The following FERMT2 variants were observed in gnomAD, a reference collection of about 807,000 sequenced individuals.
FERMT2 encodes FERM domain containing kindlin 2, also known as fermitin family homolog 2.
FERMT2 carries 15 observed loss-of-function variants against 82.7 expected under a neutral mutation model. The ratio of observed to expected loss-of-function variants is 0.18; its 90% CI spans 0.12 to 0.28. FERMT2 has a LOEUF of 0.28. Ranked by LOEUF, FERMT2 falls within the 10% of genes least tolerant of loss-of-function variation. FERMT2 has a pLI of 1.00. For synonymous variants in FERMT2, 274 were observed against 271.5 expected (o/e 1.01, Z -0.09); for missense variants, 645 against 809.4 (o/e 0.80, Z 2.46).
At chr14:52,913,422 A>C (rs2139620061) in intron 3 of FERMT2, among the ~76,000 whole-genome samples, 1 of 152,282 alleles carries the variant, frequency 6.6e-6, no homozygotes, top group South Asian at 2.1e-4. Flanking sequence ...CACTTCTGCC[A>C]CTAGAATGAG....
intron 10 of FERMT2, among the ~76,000 whole-genome samples, chr14:52,867,067 A>T (rs1885328069): frequency 6.7e-6 from 1 of 149,704 alleles, no homozygotes; most frequent in Non-Finnish European, 1.5e-5. Flanking sequence ...CTTCCTTGTC[A>T]TAGATAAAGT....
At chr14:52,863,329 T>C (rs1885069489) in intron 12 of FERMT2, 1 of 152,218 alleles carries the variant, frequency 6.6e-6, no homozygotes, top group African/African-American at 2.4e-5. Flanking sequence ...TAGTAAGTGT[T>C]CTGGGCATTT....
At chr14:52,900,353 A>C (rs934945949) in intron 3 of FERMT2, among the ~76,000 whole-genome samples, 4 of 109,892 alleles carry the variant, frequency 3.6e-5, no homozygotes, top group Non-Finnish European at 7.5e-5. Context: ...TAATCTACAC[A>C]GGCTATATAA....
chr14:52,929,940 G>A (rs1241927353), intron 2 of FERMT2, among the ~76,000 whole-genome samples: 1 of 151,988 alleles, frequency 6.6e-6, no homozygotes, highest in African/African-American at 2.4e-5. Flanking sequence ...GTGCTGGGCA[G>A]GCAAGAAATA....
chr14:52,943,835 G>A (rs933276142), intron 2 of FERMT2, among the ~76,000 whole-genome samples: 1 of 152,156 alleles, frequency 6.6e-6, no homozygotes, highest in African/African-American at 2.4e-5. Flanking sequence ...AAGAGCCAAA[G>A]ATAACAGGTA....
intron 2 of FERMT2, among the ~76,000 whole-genome samples, chr14:52,945,272 G>A (rs1890285878): frequency 6.6e-6 from 1 of 151,656 alleles, no homozygotes; most frequent in Non-Finnish European, 1.5e-5. Flanking sequence ...GGGGCGGGGG[G>A]ACGGAATCTC....
At position 52,918,321 on chromosome 14, in the gene FERMT2, G is replaced by GA. The variant is rs1888741195; in HGVS notation, c.391+801dup. ...ATATGTATGGACAAATAAATGCATA[G>GA]AAAATCACCAAACTGTCAAGAATGA... On this transcript the variant is annotated intron_variant, in intron 3 of 14. Coordinates refer to ENST00000341590, the MANE Select transcript of FERMT2 (RefSeq NM_006832.3). Among the ~76,000 whole-genome samples, 6 of 152,200 alleles carry GA rather than the reference G, an allele frequency of 3.9e-5. 1 individual carries two copies. In the South Asian group the frequency reaches 1.2e-3, roughly 32 times the overall value.
chr14:52,908,034 C>T (rs922464024), intron 3 of FERMT2, among the ~76,000 whole-genome samples: 5 of 152,074 alleles, frequency 3.3e-5, no homozygotes, highest in Admixed American at 6.6e-5. Flanking sequence ...GACGGACAGG[C>T]GAAGGACTCA....
At chr14:52,884,131 A>G (rs192043876) in intron 4 of FERMT2, among the ~76,000 whole-genome samples, 2 of 152,338 alleles carry the variant, frequency 1.3e-5, no homozygotes, top group Admixed American at 1.3e-4. Flanking sequence ...TATCTTCTTC[A>G]ATTCATACTT....
intron 3 of FERMT2, among the ~76,000 whole-genome samples, chr14:52,915,079 G>C (rs1888544691): frequency 6.6e-6 from 1 of 152,042 alleles, no homozygotes; most frequent in Non-Finnish European, 1.5e-5. Context: ...TATCCAATTA[G>C]AAAAAGTATA....
chr14:52,924,893 CATTTATAATT>C (rs1192816618), intron 2 of FERMT2, among the ~76,000 whole-genome samples: 1 of 152,104 alleles, frequency 6.6e-6, no homozygotes, highest in African/African-American at 2.4e-5. Context: ...TATTTCAGAT[CATTTATAATT>C]ATTTATAATT....
At chr14:52,882,276 G>A (rs1040437459) in intron 4 of FERMT2, among the ~76,000 whole-genome samples, 2 of 151,952 alleles carry the variant, frequency 1.3e-5, no homozygotes, top group Non-Finnish European at 2.9e-5. Flanking sequence ...AATGTAAAAG[G>A]GGAGATAAAA....
At chr14:52,920,498 G>T (rs1888898728) in intron 2 of FERMT2, among the ~76,000 whole-genome samples, 1 of 151,896 alleles carries the variant, frequency 6.6e-6, no homozygotes, top group Admixed American at 6.6e-5. Context: ...GCCAGGCATG[G>T]TGGCATGTGC....
chr14:52,872,835 ATTC>A lies in FERMT2; in HGVS notation c.1234_1236del (p.Glu412del), dbSNP rs765218469. On this transcript the variant is annotated inframe_deletion, in exon 10 of 15. Coordinates refer to ENST00000341590, the MANE Select transcript of FERMT2 (RefSeq NM_006832.3). ...ATCTGATGAGCTGGTGTGCCACTGGATTCTTCTTTGCTCTTATAACAAGAAATG... is the reference window on the plus strand; with the variant it reads ...ATCTGATGAGCTGGTGTGCCACTGGATTCTTTGCTCTTATAACAAGAAATG... The A allele has an allele frequency of 1.1e-4, 184 of 1,613,792 alleles. No homozygotes were observed. Among genetic ancestry groups the A allele is most frequent in the Non-Finnish European group, 1.5e-4 (181 of 1,179,902 alleles).
chr14:52,859,404 TTATGAAA>T, intron 14 of FERMT2, 162 bp downstream of exon 14: 1 of 604,664 alleles, frequency 1.7e-6, no homozygotes, highest in South Asian at 5.2e-5. Context: ...ACTGGGCTAA[TTATGAAA>T]TAGGCAAATT....
At chr14:52,903,239 C>T (rs765258928) in intron 3 of FERMT2, among the ~76,000 whole-genome samples, 33 of 151,870 alleles carry the variant, frequency 2.2e-4, no homozygotes, top group Non-Finnish European at 4.1e-4. Context: ...AAATAAAAAT[C>T]AAGAACACTA....
At chr14:52,877,574 C>CTTTTTTTTTTTTTTTTTTTTT (rs34676786) in intron 7 of FERMT2, among the ~76,000 whole-genome samples, 1 of 67,062 alleles carries the variant, frequency 1.5e-5, no homozygotes, top group Non-Finnish European at 2.5e-5. Context: ...GCTGTTCTTG[C>CTTTTTTTTTTTTTTTTTTTTT]TTTTTTTTTT....
chr14:52,894,164 C>T (rs1030654220), intron 3 of FERMT2, among the ~76,000 whole-genome samples: 4 of 152,118 alleles, frequency 2.6e-5, no homozygotes, highest in Non-Finnish European at 5.9e-5. Context: ...ATATTCTGCC[C>T]TGTATCAAAT....
At chr14:52,892,464 T>TTTTTTTG (rs1478264552) in intron 4 of FERMT2, among the ~76,000 whole-genome samples, 12 of 144,544 alleles carry the variant, frequency 8.3e-5, no homozygotes, top group Non-Finnish European at 1.3e-4. Flanking sequence ...TTGTTTTTTT[T>TTTTTTTG]TTTTTTTGAG....
Sources: gnomAD v4.1 joint callset for allele counts (sites outside exome capture counted in the v4.1 genomes callset) on GRCh38, gnomAD v4.1.1 for gene constraint, MANE v1.5 for transcripts, NCBI Gene and HGNC (gene_info 2026-07-23, HGNC 2026-07-21) for gene names.